The following HSP90AA1 variants were observed in gnomAD, a reference collection of about 807,000 sequenced individuals.
HSP90AA1 encodes heat shock protein HSP 90-alpha.
Under a neutral mutation model 73.3 loss-of-function variants are expected in HSP90AA1, and 18 were observed. The observed-to-expected ratio is 0.25, with a 90% CI of 0.17 to 0.36. HSP90AA1 has a LOEUF of 0.36. Ranked by LOEUF, HSP90AA1 falls within the 10% of genes least tolerant of loss-of-function variation. HSP90AA1 has a pLI of 1.00. For synonymous variants in HSP90AA1, 477 were observed against 296.9 expected (o/e 1.61, Z -6.24); for missense variants, 704 against 874.2 (o/e 0.81, Z 2.45).
intron 6 of HSP90AA1, 71 bp downstream of exon 6, chr14:102,084,328 G>A (rs2049170786): frequency 1.4e-6 from 2 of 1,432,054 alleles, no homozygotes; most frequent in Non-Finnish European, 2.0e-6. Context: ...TTATAGGTGT[G>A]AGCCACCATG....
Position 102,084,760 on chromosome 14 carries a change from G to A in HSP90AA1, c.902C>T (p.Pro301Leu), listed in dbSNP as rs2152611613. ...GTACTCCTCATTAGTAATATCGTCGGGATTTCTGGTCCAGATGGGCTTTGT... is the reference window on the plus strand; with the variant it reads ...GTACTCCTCATTAGTAATATCGTCGAGATTTCTGGTCCAGATGGGCTTTGT... ...NKTKPIWTRN[P>L]DDITNEEYGE... The change falls in exon 5 of 11, where the codon CCC becomes CTC. Residue 301 changes from proline (P) to leucine (L), a missense_variant. Physicochemically the swap from Pro to Leu is moderately conservative, Grantham distance 98. Coordinates refer to ENST00000216281, the MANE Select transcript of HSP90AA1 (RefSeq NM_005348.4). 1 of 1,614,058 alleles carries A rather than the reference G, an allele frequency of 6.2e-7. No homozygotes were observed. The highest frequency in any genetic ancestry group is 8.5e-7 in the Non-Finnish European group (1 of 1,180,008).
exon 1 of HSP90AA1, chr14:102,139,498 T>C (rs958957290): frequency 1.5e-6 from 2 of 1,342,112 alleles, no homozygotes; most frequent in Non-Finnish European, 2.0e-6. Context: ...CCGGCGCCCC[T>C]CAGGGCAGGG....
chr14:102,133,113 C>G (rs1461006796), intron 1 of HSP90AA1, among the ~76,000 whole-genome samples: 3 of 151,622 alleles, frequency 2.0e-5, no homozygotes, highest in Non-Finnish European at 2.9e-5. Context: ...AACCCCATCT[C>G]TACTAAAAAC....
upstream of HSP90AA1, chr14:102,087,108 C>T (rs2049263344): frequency 6.1e-6 from 6 of 984,592 alleles, no homozygotes; most frequent in African/African-American, 1.0e-4. Context: ...GCGCTTTTTC[C>T]AGAAGCCTCC....
Position 102,081,643 on chromosome 14 carries a change from C to T in HSP90AA1, c.*69G>A. ...TAATATTAACAAAAATAAAGAAAAA[C>T]ATCCTTGAAAATATATTATCAGAGG... On this transcript the variant is annotated 3_prime_UTR_variant, in exon 11 of 11. Coordinates refer to ENST00000216281, the MANE Select transcript of HSP90AA1 (RefSeq NM_005348.4). 2 of 809,258 alleles carry T rather than the reference C, an allele frequency of 2.5e-6. No homozygotes were observed. Among genetic ancestry groups the T allele is most frequent in the South Asian group, 1.3e-5 (1 of 74,120 alleles). The allele number at this position is 809,258 out of a possible 1,614,324, so 50.1% of individuals were successfully genotyped here. A position where few individuals can be genotyped will look rare whatever the true frequency, so the allele number is the denominator to read the frequency against.
upstream of HSP90AA1, among the ~76,000 whole-genome samples, chr14:102,089,902 C>T (rs2049330943): frequency 6.6e-6 from 1 of 152,172 alleles, no homozygotes; most frequent in African/African-American, 2.4e-5. Context: ...CCTCCATAAC[C>T]ACCTAACTGC....
intron 1 of HSP90AA1, among the ~76,000 whole-genome samples, 170 bp downstream of exon 1, chr14:102,086,816 G>A (rs56321601): frequency 3.9e-5 from 6 of 151,908 alleles, no homozygotes; most frequent in Non-Finnish European, 7.4e-5. Context: ...AGCGGGGTGC[G>A]GAAACCGCAG....
chr14:102,085,822 G>A lies in HSP90AA1; in HGVS notation c.465C>T (p.Asn155=), dbSNP rs1480011070. 17 of 1,613,752 alleles carry A rather than the reference G, an allele frequency of 1.1e-5. No homozygotes were observed. Among genetic ancestry groups the A allele is most frequent in the African/African-American group, 1.3e-5 (1 of 74,876 alleles). The part of the protein sequence containing the change: ...AEKVTVITKH[N]DDEQYAWESS... ...ACTCCCAAGCGTACTGCTCATCATC[G>A]TTATGTTTGGTGATCACAGTTACTT... Residue 155 remains asparagine, a synonymous_variant, in exon 3 of 11, where the codon AAC becomes AAT. Transcript: ENST00000216281.
rs932077985 is a variant in HSP90AA1, at chr14:102,084,077, G to C, written c.1148-94C>G. Reference sequence around the variant, plus strand: ...AAATCAAAGATAACCTGAAGATGATGGGACGTATTTTTGAGACAGTCTCAC... The same window carrying C: ...AAATCAAAGATAACCTGAAGATGATCGGACGTATTTTTGAGACAGTCTCAC... On this transcript the variant is annotated intron_variant, in intron 6 of 10. Transcript: ENST00000216281. 6.8e-5 allele frequency: 68 copies of C among 1,000,472 alleles called. No homozygotes were observed. In the Admixed American group the frequency reaches 1.3e-3, roughly 19 times the overall value. The allele number at this position is 1,000,472 out of a possible 1,614,324, so 62.0% of individuals were successfully genotyped here. A position where few individuals can be genotyped will look rare whatever the true frequency, so the allele number is the denominator to read the frequency against.
intron 1 of HSP90AA1, among the ~76,000 whole-genome samples, chr14:102,106,712 T>C (rs1394450981): frequency 6.6e-6 from 1 of 151,470 alleles, no homozygotes; most frequent in Non-Finnish European, 1.5e-5. Flanking sequence ...CCCAGCTGAG[T>C]TTTGTATTTT....
intron 1 of HSP90AA1, among the ~76,000 whole-genome samples, chr14:102,109,017 A>G (rs559379343): frequency 6.6e-6 from 1 of 152,194 alleles, no homozygotes; most frequent in East Asian, 1.9e-4. Context: ...TATAATTTAC[A>G]TAAAGTGCTA....
In HSP90AA1 at chr14:102,082,853, C is replaced by T. The variant is rs1434577998; in HGVS notation, c.1755+181G>A. ...GCCAGGATGGTCTCGATCTCCTGAC[C>T]TTGTGATCCGCTGCCTCAGCCTCCC... On this transcript the variant is annotated intron_variant, in intron 9 of 10. Transcript: ENST00000216281. The T allele has an allele frequency of 5.9e-6, 4 of 677,238 alleles. No individual in the cohort carries two copies. In the African/African-American group the frequency reaches 7.2e-5, roughly 12 times the overall value. 42.0% of individuals were successfully genotyped at this position (677,238 alleles called of 1,614,324 possible).
chr14:102,085,560 G>C, intron 3 of HSP90AA1, 129 bp from the exon 4 acceptor site: 1 of 1,191,884 alleles, frequency 8.4e-7, no homozygotes, highest in South Asian at 1.3e-5. Context: ...CACCACAGCA[G>C]AACCTTTTGG....
chr14:102,094,607 T>C (rs2049400448), intron 2 of HSP90AA1, among the ~76,000 whole-genome samples: 1 of 151,862 alleles, frequency 6.6e-6, no homozygotes, highest in African/African-American at 2.4e-5. Context: ...ATAGAAGGAA[T>C]ACTAGGAGTT....
chr14:102,086,693 AGCGGGGCCGGGCGGGGGACCCCCG>A (rs1167005785), intron 1 of HSP90AA1, among the ~76,000 whole-genome samples: 3 of 150,384 alleles, frequency 2.0e-5, no homozygotes, highest in Admixed American at 6.6e-5. Context: ...CTGCGCCCCC[AGCGGGGCCGGGCGGGGGACCCCCG>A]CGGCGGGGCC....
chr14:102,132,099 C>T (rs7154800), intron 1 of HSP90AA1, among the ~76,000 whole-genome samples: 141,504 of 152,286 alleles, frequency 0.93, 65,779 homozygotes, highest in East Asian at 1. Flanking sequence ...CCGGGTATGG[C>T]GGCTCACGCC....
At chr14:102,089,224 T>C (rs1351407155), upstream of HSP90AA1, among the ~76,000 whole-genome samples, 2 of 152,144 alleles carry the variant, frequency 1.3e-5, no homozygotes, top group Admixed American at 6.5e-5. Flanking sequence ...CCCGGCCAGC[T>C]CTGACATTCT....
At chr14:102,108,631 G>A (rs2049601228) in intron 1 of HSP90AA1, among the ~76,000 whole-genome samples, 1 of 150,918 alleles carries the variant, frequency 6.6e-6, no homozygotes, top group Non-Finnish European at 1.5e-5. Flanking sequence ...AACCTCCTGG[G>A]TTTGAGCGAT....
At chr14:102,081,871 T>TG (rs774338255) in intron 10 of HSP90AA1, 50 bp from the exon 11 acceptor site, 18 of 917,164 alleles carry the variant, frequency 2.0e-5, no homozygotes, top group Non-Finnish European at 3.1e-5. Flanking sequence ...TAAAGCCAGC[T>TG]ATTAGGGTAA....
Sources: allele counts gnomAD v4.1 joint callset (sites outside exome capture counted in the v4.1 genomes callset), GRCh38; gene constraint gnomAD v4.1.1; transcripts MANE v1.5; gene names NCBI Gene and HGNC (gene_info 2026-07-23, HGNC 2026-07-21).